Variants in CNTN5 observed in about 807,000 individuals in gnomAD.
The protein encoded by CNTN5 is contactin-5.
In CNTN5, 77 loss-of-function variants were observed where a neutral mutation model predicts 129.1. The ratio of observed to expected loss-of-function variants is 0.60; its 90% CI spans 0.50 to 0.72. CNTN5 has a LOEUF of 0.72. Among genes scored for constraint, CNTN5 ranks in the 30% least tolerant of loss-of-function variants. The probability of loss-of-function intolerance (pLI) is 0.00; values close to 1 mark genes in which losing one functional copy is unlikely to be tolerated. For missense variants in CNTN5, 1,478 were observed against 1,328.8 expected, an observed-to-expected ratio of 1.11 and a Z score of -1.75; for synonymous variants, 509 against 465.6, an observed-to-expected ratio of 1.09 and a Z score of -1.20.
intron 2 of CNTN5, among the ~76,000 whole-genome samples, chr11:99,495,990 C>G (rs1946210143): frequency 6.6e-6 from 1 of 152,054 alleles, no homozygotes; most frequent in Non-Finnish European, 1.5e-5. Context: ...GAAAGAAGAG[C>G]AATGTGGGAA....
At chr11:99,452,501 T>G (rs2656179) in intron 2 of CNTN5, among the ~76,000 whole-genome samples, 77,506 of 150,914 alleles carry the variant, frequency 0.51, 20,347 homozygotes, top group East Asian at 0.65. Context: ...GCCTCTCAAG[T>G]AGCTGGGACT....
At chr11:100,269,404 G>C (rs557569523) in intron 17 of CNTN5, among the ~76,000 whole-genome samples, 1 of 152,148 alleles carries the variant, frequency 6.6e-6, no homozygotes, top group African/African-American at 2.4e-5. Context: ...CTGAGCGAAG[G>C]CTGGAAGGAG....
Position 100,340,564 on chromosome 11 carries a change from G to A in CNTN5, c.2832G>A (p.Thr944=), listed in dbSNP as rs201981641. 1.1e-5 allele frequency: 17 copies of A among 1,613,252 alleles called. No individual in the cohort carries two copies. Among genetic ancestry groups the A allele is most frequent in the South Asian group, 7.7e-5 (7 of 90,944 alleles). The part of the protein sequence containing the change: ...FVILTGLEGN[T]LYHFTVRAYN... ...TCCTAACAGGATTAGAAGGAAATACGTTATATCACTTCACAGTGAGGGCTT... is the reference window on the plus strand; with the variant it reads ...TCCTAACAGGATTAGAAGGAAATACATTATATCACTTCACAGTGAGGGCTT... The change falls in exon 22 of 25, where the codon ACG becomes ACA. Residue 944 remains threonine (T), a synonymous_variant. Coordinates refer to ENST00000524871, the MANE Select transcript of CNTN5 (RefSeq NM_014361.4).
intron 9 of CNTN5, among the ~76,000 whole-genome samples, chr11:100,049,889 G>A (rs899231567): frequency 1.3e-5 from 2 of 152,104 alleles, no homozygotes; most frequent in African/African-American, 2.4e-5. Context: ...CACCATCACT[G>A]GCCGTCAGAG....
chr11:99,557,899 A>G (rs1948724867), intron 3 of CNTN5, among the ~76,000 whole-genome samples: 1 of 151,790 alleles, frequency 6.6e-6, no homozygotes, highest in Admixed American at 6.6e-5. Context: ...AAGATATATA[A>G]AAGCCTTTTT....
chr11:99,469,457 T>A (rs1001469772), intron 2 of CNTN5, among the ~76,000 whole-genome samples: 1 of 152,108 alleles, frequency 6.6e-6, no homozygotes, highest in African/African-American at 2.4e-5. Flanking sequence ...CATGGTTCTC[T>A]TTCTTGTTTT....
intron 3 of CNTN5, among the ~76,000 whole-genome samples, chr11:99,787,608 TGAA>T (rs1489498583): frequency 2.0e-5 from 3 of 151,714 alleles, no homozygotes; most frequent in Non-Finnish European, 4.4e-5. Flanking sequence ...GCCAGTAAGC[TGAA>T]GAAGAAAAGA....
intron 2 of CNTN5, among the ~76,000 whole-genome samples, chr11:99,363,058 A>G (rs1034147190): frequency 2.6e-5 from 4 of 152,082 alleles, no homozygotes; most frequent in African/African-American, 9.7e-5. Context: ...GGAAAAAAAA[A>G]TCCGTAGGAT....
In CNTN5 at chr11:99,741,238, C is replaced by T. The variant is rs184491390; in HGVS notation, c.56-78306C>T. Among the ~76,000 whole-genome samples the T allele has an allele frequency of 7.6e-4, 116 of 152,276 alleles. 1 individual carries two copies. The highest frequency in any genetic ancestry group is 6.6e-3 in the Admixed American group (101 of 15,292). On this transcript the variant is annotated intron_variant, in intron 3 of 24. Coordinates refer to ENST00000524871, the MANE Select transcript of CNTN5 (RefSeq NM_014361.4). ...AACAGTTTGCACCAATCAAAACTTA[C>T]ATAAACCATTAATTTCAATATTTTG...
chr11:99,746,666 A>G (rs1407147284), intron 3 of CNTN5, among the ~76,000 whole-genome samples: 1 of 152,206 alleles, frequency 6.6e-6, no homozygotes, highest in African/African-American at 2.4e-5. Context: ...CTGATGGTCT[A>G]GGGTGGAATA....
chr11:99,050,385 G>T (rs1864378617), intron 1 of CNTN5, among the ~76,000 whole-genome samples: 1 of 151,736 alleles, frequency 6.6e-6, no homozygotes, highest in South Asian at 2.1e-4. Flanking sequence ...TGAAATATAT[G>T]AACTTTTAAA....
At chr11:100,003,665 G>A (rs903482640) in intron 9 of CNTN5, 1 of 152,144 alleles carries the variant, frequency 6.6e-6, no homozygotes, top group Non-Finnish European at 1.5e-5. Flanking sequence ...CTTGAAATAT[G>A]TTTAGTAAAT....
chr11:99,826,698 T>A lies in CNTN5; in HGVS notation c.277+6933T>A, dbSNP rs569318865. On this transcript the variant is annotated intron_variant, in intron 4 of 24. Coordinates refer to ENST00000524871, the MANE Select transcript of CNTN5 (RefSeq NM_014361.4). ...TTTAAGGAAACTGCACGTTATATAT[T>A]ATAGTTGTAGCAAAGTATGAATGGC... Among the ~76,000 whole-genome samples the A allele has an allele frequency of 2.0e-4, 31 of 152,292 alleles. No homozygotes were observed. The East Asian group carries it at 5.8e-3, about 28-fold the overall frequency.
intron 1 of CNTN5, among the ~76,000 whole-genome samples, chr11:99,065,109 G>A (rs10892747): frequency 0.42 from 64,047 of 151,788 alleles, 14,189 homozygotes; most frequent in African/African-American, 0.55. Context: ...TAAAAAGCAA[G>A]ATGATACCAA....
intron 1 of CNTN5, among the ~76,000 whole-genome samples, chr11:99,023,618 A>C (rs969155503): frequency 2.0e-5 from 3 of 152,184 alleles, no homozygotes; most frequent in Non-Finnish European, 2.9e-5. Context: ...GATTGGCTAA[A>C]ACAAAGTTGT....
intron 1 of CNTN5, among the ~76,000 whole-genome samples, chr11:99,256,524 A>C (rs1449742184): frequency 1.3e-5 from 2 of 152,062 alleles, no homozygotes; most frequent in African/African-American, 2.4e-5. Flanking sequence ...CATTTATTTC[A>C]TAAGGCTTGG....
At chr11:99,566,879 G>A (rs1949022731) in intron 3 of CNTN5, among the ~76,000 whole-genome samples, 1 of 151,976 alleles carries the variant, frequency 6.6e-6, no homozygotes, top group African/African-American at 2.4e-5. Flanking sequence ...CATTCATTTT[G>A]TACTCCTCAG....
At chr11:99,476,586 T>G (rs577850905) in intron 2 of CNTN5, among the ~76,000 whole-genome samples, 3 of 152,278 alleles carry the variant, frequency 2.0e-5, no homozygotes, top group East Asian at 3.9e-4. Context: ...GAACTTAGTC[T>G]TTAAAGCTAA....
At chr11:100,115,916 C>G (rs935128533) in intron 13 of CNTN5, among the ~76,000 whole-genome samples, 1 of 152,002 alleles carries the variant, frequency 6.6e-6, no homozygotes, top group Non-Finnish European at 1.5e-5. Context: ...GTTCTACATT[C>G]ATGTATTACC....
Sources: allele counts gnomAD v4.1 joint callset (sites outside exome capture counted in the v4.1 genomes callset), GRCh38; gene constraint gnomAD v4.1.1; transcripts MANE v1.5; gene names NCBI Gene and HGNC (gene_info 2026-07-23, HGNC 2026-07-21).